Variants in ZNF536 observed in about 807,000 individuals in gnomAD.
ZNF536 encodes the protein zinc finger protein 536.
Under a neutral mutation model 84.5 loss-of-function variants are expected in ZNF536, and 13 were observed. The ratio of observed to expected loss-of-function variants is 0.15; its 90% CI spans 0.10 to 0.24. The LOEUF (loss-of-function observed/expected upper bound fraction) is 0.24. Among genes scored for constraint, ZNF536 ranks in the 10% least tolerant of loss-of-function variants. ZNF536 has a pLI of 1.00. For synonymous variants in ZNF536, 811 were observed against 742.5 expected (o/e 1.09, Z -1.50); for missense variants, 1,536 against 1,747.5 (o/e 0.88, Z 2.16).
rs569175095 is a variant in ZNF536, at chr19:30,470,799, C to T, written c.2170+25067C>T. 1.1e-4 allele frequency among the ~76,000 whole-genome samples: 17 copies of T among 151,622 alleles called. No individual in the cohort carries two copies. In the South Asian group the frequency reaches 3.3e-3, roughly 30 times the overall value. On this transcript the variant is annotated intron_variant, in intron 2 of 4. Transcript: ENST00000355537. ...CTCCCTGGTTCAAGCAATTCTCCTG[C>T]CTCAGTCTCCTGAGTAGCTGGGATT...
At chr19:30,602,159 A>T (rs184606229) in intron 1 of ZNF536, among the ~76,000 whole-genome samples, 68 of 152,364 alleles carry the variant, frequency 4.5e-4, no homozygotes, top group Non-Finnish European at 4.4e-5. Context: ...TGATGCAATG[A>T]TGAGGAATAG....
At chr19:30,465,695 A>T (rs377640635) in intron 2 of ZNF536, among the ~76,000 whole-genome samples, 2 of 152,242 alleles carry the variant, frequency 1.3e-5, no homozygotes, top group East Asian at 3.9e-4. Context: ...CTTTAAGACC[A>T]GCCTGGCCAA....
chr19:30,309,128 A>G (rs574514669), intron 2 of ZNF536, among the ~76,000 whole-genome samples: 2 of 152,300 alleles, frequency 1.3e-5, no homozygotes. Context: ...AAAACAAACA[A>G]AAAAGCTATG....
rs71333450 is a variant in ZNF536, at chr19:30,264,930, CGTGT to C, written c.-189-19108_-189-19105del. Among the ~76,000 whole-genome samples the C allele has an allele frequency of 8.1e-3, 1,103 of 135,698 alleles. 9 individuals carry two copies. Among genetic ancestry groups the C allele is most frequent in the Non-Finnish European group, 0.012 (793 of 63,600 alleles). The allele number at this position is 135,698 out of a possible 152,430, so 89.0% of individuals were successfully genotyped here. Reference sequence around the variant, plus strand: ...CAAAAAGTTCTGCTCTGTCAATAGTCGTGTGTGTGTGTGTGTGTGTGTGTGTGTG... The same window carrying C: ...CAAAAAGTTCTGCTCTGTCAATAGTCGTGTGTGTGTGTGTGTGTGTGTGTG... On this transcript the variant is annotated intron_variant, in intron 1 of 5. Transcript: ENST00000585628.
intron 1 of ZNF536, among the ~76,000 whole-genome samples, chr19:30,432,636 G>A (rs1341456827): frequency 1.3e-5 from 2 of 152,154 alleles, no homozygotes; most frequent in African/African-American, 4.8e-5. Flanking sequence ...CATGCACGCG[G>A]AGCCCTCATC....
downstream of ZNF536, among the ~76,000 whole-genome samples, chr19:30,562,763 A>G (rs1212110983): frequency 6.6e-6 from 1 of 151,774 alleles, no homozygotes; most frequent in Non-Finnish European, 1.5e-5. Flanking sequence ...TCAGGCTCTC[A>G]TCTTGCACTC....
intron 1 of ZNF536, among the ~76,000 whole-genome samples, chr19:30,388,954 C>T (rs2049463046): frequency 6.6e-6 from 1 of 152,204 alleles, no homozygotes; most frequent in African/African-American, 2.4e-5. Context: ...CTGGAATTCT[C>T]CCCTACAAAG....
intron 2 of ZNF536, among the ~76,000 whole-genome samples, chr19:30,467,566 A>G (rs1199228943): frequency 6.6e-6 from 1 of 152,212 alleles, no homozygotes; most frequent in African/African-American, 2.4e-5. Context: ...GAATAAATGA[A>G]TGACGACAAG....
intron 1 of ZNF536, among the ~76,000 whole-genome samples, chr19:30,384,545 G>T (rs2049259487): frequency 6.6e-6 from 1 of 151,646 alleles, no homozygotes; most frequent in African/African-American, 2.4e-5. Context: ...TCCTGGGTGG[G>T]ACCCTGCTTT....
At chr19:30,385,857 G>A (rs2049321161) in intron 1 of ZNF536, among the ~76,000 whole-genome samples, 1 of 152,208 alleles carries the variant, frequency 6.6e-6, no homozygotes, top group South Asian at 2.1e-4. Flanking sequence ...TGGGTCCCCA[G>A]CTGGGTGGAG....
intron 1 of ZNF536, among the ~76,000 whole-genome samples, chr19:30,389,285 T>C (rs1297308515): frequency 1.3e-5 from 2 of 152,174 alleles, no homozygotes; most frequent in Admixed American, 1.3e-4. Flanking sequence ...TACTCGTGTA[T>C]AGGGTACATT....
intron 1 of ZNF536, among the ~76,000 whole-genome samples, chr19:30,663,662 T>C (rs887086752): frequency 6.1e-4 from 93 of 152,330 alleles, no homozygotes; most frequent in African/African-American, 2.2e-3. Flanking sequence ...GAGTGCAGAA[T>C]AGGTCTTGGA....
chr19:30,393,884 G>A (rs1221889964), intron 1 of ZNF536, among the ~76,000 whole-genome samples: 2 of 152,218 alleles, frequency 1.3e-5, no homozygotes, highest in African/African-American at 4.8e-5. Flanking sequence ...AAGGGGCAAT[G>A]TGGGCAGAAT....
chr19:30,566,395 A>T (rs1420730988), intron 1 of ZNF536, among the ~76,000 whole-genome samples: 1 of 152,210 alleles, frequency 6.6e-6, no homozygotes, highest in East Asian at 1.9e-4. Context: ...AATAATAAAG[A>T]CTTCCTCTGT....
chr19:30,559,496 A>T (rs1807651863), downstream of ZNF536, among the ~76,000 whole-genome samples: 1 of 152,086 alleles, frequency 6.6e-6, no homozygotes, highest in Non-Finnish European at 1.5e-5. Context: ...CGAGGGAAAA[A>T]TTCCTCCAAG....
At chr19:30,409,319 T>A (rs1326252056) in intron 1 of ZNF536, among the ~76,000 whole-genome samples, 1 of 152,232 alleles carries the variant, frequency 6.6e-6, no homozygotes, top group Non-Finnish European at 1.5e-5. Context: ...GCAGCAGGCC[T>A]ATGAGATTCA....
chr19:30,406,746 C>G (rs2050275696), intron 1 of ZNF536, among the ~76,000 whole-genome samples: 1 of 152,154 alleles, frequency 6.6e-6, no homozygotes, highest in Admixed American at 6.5e-5. Flanking sequence ...GTGACAGCCT[C>G]CAGTGAACAA....
intron 1 of ZNF536, among the ~76,000 whole-genome samples, chr19:30,384,893 G>A (rs952166458): frequency 6.6e-6 from 1 of 152,080 alleles, no homozygotes. Flanking sequence ...AGGCGTGGTG[G>A]CATAGCCTGT....
At chr19:30,337,034 G>A (rs1465895703) in intron 2 of ZNF536, among the ~76,000 whole-genome samples, 1 of 151,920 alleles carries the variant, frequency 6.6e-6, no homozygotes, top group African/African-American at 2.4e-5. Context: ...CTGCAACATG[G>A]GCTATCTCTT....
Sources: gnomAD v4.1 joint callset for allele counts (sites outside exome capture counted in the v4.1 genomes callset) on GRCh38, gnomAD v4.1.1 for gene constraint, MANE v1.5 for transcripts, NCBI Gene and HGNC (gene_info 2026-07-23, HGNC 2026-07-21) for gene names.